Variants in PYGO1 observed in about 807,000 individuals in gnomAD.
The protein encoded by PYGO1 is pygopus homolog 1.
Under a neutral mutation model 29.5 loss-of-function variants are expected in PYGO1, and 6 were observed. The observed-to-expected ratio is 0.20, with a 90% CI of 0.11 to 0.40. The LOEUF (loss-of-function observed/expected upper bound fraction) is 0.40, where lower values mean the gene tolerates loss of function less well. Among genes scored for constraint, PYGO1 ranks in the 10% least tolerant of loss-of-function variants. PYGO1 has a pLI of 1.00. For missense variants in PYGO1, 515 were observed against 514.9 expected (o/e 1.00, Z 0.00); for synonymous variants, 186 against 180.5 (o/e 1.03, Z -0.24).
At position 55,546,042 on chromosome 15, in the gene PYGO1, G is replaced by T; in HGVS notation, c.1241C>A (p.Ala414Glu). Residue 414 changes from alanine to glutamate, a missense_variant, in exon 3 of 3, where the codon GCA (alanine) becomes GAA (glutamate). Ala to Glu is a moderately radical substitution (Grantham distance 107). Coordinates refer to ENST00000563719, the MANE Select transcript of PYGO1 (RefSeq NM_001367806.1). ...CTTTGATTAAGCATCACTGCCCACT[G>T]CAGATGGACCAAAAGTTTCTCTAGT... Reference protein sequence around the residue: ...MRTRETFGPSAVGSDA With the variant: ...MRTRETFGPSEVGSDA 6.2e-7 allele frequency: 1 copy of T among 1,611,288 alleles called. No individual in the cohort carries two copies. Among genetic ancestry groups the T allele is most frequent in the Non-Finnish European group, 8.5e-7 (1 of 1,177,814 alleles).
At chr15:55,581,527 C>T (rs2059024822) in intron 1 of PYGO1, among the ~76,000 whole-genome samples, 1 of 152,172 alleles carries the variant, frequency 6.6e-6, no homozygotes, top group South Asian at 2.1e-4. Flanking sequence ...TTGGGGACCA[C>T]TATGGCAATG....
At position 55,546,286 on chromosome 15, in the gene PYGO1, C is replaced by G; in HGVS notation, c.997G>C (p.Gly333Arg). Residue 333 changes from glycine (G) to arginine (R), a missense_variant, in exon 3 of 3, where the codon GGC becomes CGC. By Grantham distance (125) the Gly-to-Arg change is moderately radical. Transcript: ENST00000563719. The part of the protein sequence containing the change: ...NKSSLHPNRH[G>R]HSSSDPVYPC... ...TACACTGGGTCAGAAGACGAATGGC[C>G]ATGACGGTTTGGGTGAAGAGAGGAT... 6.2e-7 allele frequency: 1 copy of G among 1,614,156 alleles called. No homozygotes were observed. The highest frequency in any genetic ancestry group is 8.5e-7 in the Non-Finnish European group (1 of 1,180,024).
chr15:55,546,589 C>T lies in PYGO1; in HGVS notation c.694G>A (p.Ala232Thr), dbSNP rs376483058. The change falls in exon 3 of 3, where the codon GCA becomes ACA. Residue 232 changes from alanine (A) to threonine (T), a missense_variant. Physicochemically the swap from Ala to Thr is moderately conservative, Grantham distance 58. Coordinates refer to ENST00000563719, the MANE Select transcript of PYGO1 (RefSeq NM_001367806.1). ...FIPPPNTFGQ[A>T]KAPPPKQDFT... ...TCTTGTTTTGGGGGTGGTGCTTTTG[C>T]TTGACCAAAAGTGTTTGGGGGAGGA... 1.5e-5 allele frequency: 24 copies of T among 1,613,536 alleles called. No homozygotes were observed. The highest frequency in any genetic ancestry group is 1.9e-5 in the Non-Finnish European group (23 of 1,179,914).
upstream of PYGO1, among the ~76,000 whole-genome samples, chr15:55,588,492 G>T (rs1356687169): frequency 6.8e-6 from 1 of 147,166 alleles, no homozygotes; most frequent in Non-Finnish European, 1.5e-5. Flanking sequence ...TCGTCCCGCG[G>T]CGCCTCCCGC....
intron 1 of PYGO1, among the ~76,000 whole-genome samples, chr15:55,578,576 G>A: frequency 6.6e-6 from 1 of 152,022 alleles, no homozygotes; most frequent in Non-Finnish European, 1.5e-5. Flanking sequence ...ATCTCACTGT[G>A]GTTTTGATTT....
intron 1 of PYGO1, among the ~76,000 whole-genome samples, chr15:55,573,954 C>T (rs2058990689): frequency 1.3e-5 from 2 of 152,144 alleles, no homozygotes; most frequent in South Asian, 4.1e-4. Flanking sequence ...GATGAATCAT[C>T]TGTCTGAAAT....
chr15:55,547,198 T>G (rs1036460496), intron 2 of PYGO1, 51 bp from the exon 3 acceptor site: 4 of 1,459,278 alleles, frequency 2.7e-6, no homozygotes, highest in Admixed American at 4.1e-5. Context: ...AATACATTAT[T>G]AAAATTGTCC....
At chr15:55,571,926 G>T (rs1364149344) in intron 1 of PYGO1, among the ~76,000 whole-genome samples, 7 of 152,014 alleles carry the variant, frequency 4.6e-5, no homozygotes, top group Non-Finnish European at 8.8e-5. Context: ...TGTTCCAGAT[G>T]GCTAGCCACA....
At chr15:55,552,109 C>T in intron 1 of PYGO1, among the ~76,000 whole-genome samples, 1 of 152,026 alleles carries the variant, frequency 6.6e-6, no homozygotes, top group Non-Finnish European at 1.5e-5. Context: ...AATCCCAACA[C>T]TTTGGGAGGC....
intron 1 of PYGO1, among the ~76,000 whole-genome samples, chr15:55,557,560 A>G (rs1406197348): frequency 2.6e-5 from 4 of 152,226 alleles, no homozygotes; most frequent in Non-Finnish European, 5.9e-5. Context: ...TTTTAGACCA[A>G]TCTCCCTGAT....
intron 1 of PYGO1, among the ~76,000 whole-genome samples, chr15:55,562,726 C>A (rs1257021473): frequency 6.6e-6 from 1 of 151,020 alleles, no homozygotes; most frequent in Non-Finnish European, 1.5e-5. Flanking sequence ...TTCACAACAA[C>A]AAAGACATGG....
At position 55,545,890 on chromosome 15, in the gene PYGO1, G is replaced by A. The variant is rs904341772; in HGVS notation, c.*133C>T. The A allele has an allele frequency of 4.8e-6, 5 of 1,039,992 alleles. No homozygotes were observed. The African/African-American group carries it at 8.1e-5, about 17-fold the overall frequency. 64.4% of individuals were successfully genotyped at this position (1,039,992 alleles called of 1,614,324 possible). A position where few individuals can be genotyped will look rare whatever the true frequency, so the allele number is the denominator to read the frequency against. On this transcript the variant is annotated 3_prime_UTR_variant, in exon 3 of 3. Transcript: ENST00000563719. ...ATAAAAAATTTGCTCTAGTGATGAA[G>A]TGATTAATAAAAACTAAGTAAATAA... is the stretch of plus-strand genomic sequence containing the variant.
upstream of PYGO1, among the ~76,000 whole-genome samples, chr15:55,588,391 G>A (rs551504171): frequency 6.7e-6 from 1 of 149,110 alleles, no homozygotes; most frequent in South Asian, 2.1e-4. Flanking sequence ...CTCTGGGGCG[G>A]GCGAGGGACG....
At chr15:55,552,596 G>A (rs530516570) in intron 1 of PYGO1, among the ~76,000 whole-genome samples, 2 of 151,894 alleles carry the variant, frequency 1.3e-5, no homozygotes, top group East Asian at 3.9e-4. Flanking sequence ...GCCAAGGGAA[G>A]CAGTGAGTGA....
At position 55,575,297 on chromosome 15, in the gene PYGO1, C is replaced by T. The variant is rs962627528; in HGVS notation, c.49+12538G>A. 2.6e-5 allele frequency among the ~76,000 whole-genome samples: 4 copies of T among 152,130 alleles called. No homozygotes were observed. The South Asian group carries it at 8.3e-4, about 32-fold the overall frequency. On this transcript the variant is annotated intron_variant, in intron 1 of 2. Coordinates refer to ENST00000563719, the MANE Select transcript of PYGO1 (RefSeq NM_001367806.1). ...CCCATGAACTTGGATTTCTAACAAT[C>T]CCCCTCAGGTAATACAGATACTGGT...
At chr15:55,566,791 C>T (rs193268629) in intron 1 of PYGO1, among the ~76,000 whole-genome samples, 1 of 152,120 alleles carries the variant, frequency 6.6e-6, no homozygotes, top group Admixed American at 6.6e-5. Context: ...AGTGCAGTGG[C>T]GTGATCACAG....
intron 1 of PYGO1, among the ~76,000 whole-genome samples, chr15:55,564,306 G>A (rs187784489): frequency 2.2e-3 from 330 of 152,254 alleles, no homozygotes; most frequent in African/African-American, 7.6e-3. Context: ...AGTAAAAGAA[G>A]CCAGACACAA....
intron 1 of PYGO1, among the ~76,000 whole-genome samples, chr15:55,572,542 A>G (rs1445328043): frequency 6.6e-6 from 1 of 152,204 alleles, no homozygotes; most frequent in Non-Finnish European, 1.5e-5. Context: ...AAAAGCAGAA[A>G]TAAGCAAGTG....
chr15:55,565,889 C>A (rs948096320), intron 1 of PYGO1, among the ~76,000 whole-genome samples: 1 of 152,114 alleles, frequency 6.6e-6, no homozygotes, highest in Non-Finnish European at 1.5e-5. Flanking sequence ...TCAAGAGATT[C>A]TCCTGCCTCA....
Sources: gnomAD v4.1 joint callset for allele counts (sites outside exome capture counted in the v4.1 genomes callset) on GRCh38, gnomAD v4.1.1 for gene constraint, MANE v1.5 for transcripts, NCBI Gene and HGNC (gene_info 2026-07-23, HGNC 2026-07-21) for gene names.